SNAPC4: variants seen among roughly 807,000 people sequenced by gnomAD.
SNAPC4 encodes small nuclear RNA activating complex polypeptide 4, also known as snRNA-activating protein complex subunit 4.
In SNAPC4, 127 loss-of-function variants were observed where a neutral mutation model predicts 151.3. That is an observed-to-expected ratio of 0.84 (90% CI 0.73 to 0.97). The LOEUF is 0.97. Ranked by LOEUF, SNAPC4 falls within the 50% of genes least tolerant of loss-of-function variation. SNAPC4 has a pLI of 0.00. For missense variants in SNAPC4, 2,186 were observed against 1,935.0 expected (o/e 1.13, Z -2.43); for synonymous variants, 1,002 against 824.4 (o/e 1.22, Z -3.69).
chr9:136,395,551 G>A (rs758549153), intron 4 of SNAPC4, 52 bp downstream of exon 4: 11 of 1,573,234 alleles, frequency 7.0e-6, no homozygotes, highest in Non-Finnish European at 9.5e-6. Flanking sequence ...CAGCTGTGGG[G>A]GGCTCTGGGG....
Position 136,384,029 on chromosome 9 carries a change from T to C in SNAPC4, c.1424A>G (p.His475Arg), listed in dbSNP as rs1833806492. Residue 475 changes from histidine (H) to arginine (R), a missense_variant, in exon 15 of 24, where the codon CAC becomes CGC. His to Arg is a conservative substitution (Grantham distance 29, BLOSUM62 0). Transcript: ENST00000684778. ...IELIEKYGVG[H>R]WAKIASELPH... ...CAGCTCAGAAGCTATTTTTGCCCAG[T>C]GACCTGCAAAAGCCAAACCCCATGG... The C allele has an allele frequency of 6.2e-7, 1 of 1,613,364 alleles. No homozygotes were observed. Among genetic ancestry groups the C allele is most frequent in the Admixed American group, 1.7e-5 (1 of 59,964 alleles).
intron 3 of SNAPC4, 39 bp from the exon 4 acceptor site, chr9:136,395,809 C>T (rs377079281): frequency 6.9e-5 from 110 of 1,582,770 alleles, no homozygotes; most frequent in Admixed American, 1.4e-4. Context: ...CGAGATGAGA[C>T]GTGGATGCTC....
Position 136,377,841 on chromosome 9 carries a change from G to A in SNAPC4, c.3986C>T (p.Thr1329Ile). 2 of 1,611,534 alleles carry A rather than the reference G, an allele frequency of 1.2e-6. No individual in the cohort carries two copies. The highest frequency in any genetic ancestry group is 1.3e-5 in the African/African-American group (1 of 75,042). ...LHKKALEHKA[T>I]SLVVGGEAER... ...AGCCTCGCCCCCCACCACCAGGGAGGTGGCCTTGTGCTCCAGGGCCTTCTT... is the reference window on the plus strand; with the variant it reads ...AGCCTCGCCCCCCACCACCAGGGAGATGGCCTTGTGCTCCAGGGCCTTCTT... Residue 1329 changes from threonine to isoleucine, a missense_variant, in exon 22 of 24, where the codon ACC (threonine) becomes ATC (isoleucine). By Grantham distance (89) the Thr-to-Ile change is moderately conservative. Transcript: ENST00000684778.
rs777036706 is a variant in SNAPC4 at position 136,395,359 on chromosome 9, G to C, written c.410C>G (p.Pro137Arg). ...GAAGTGCCCCATGTATGTGCTTGGGGGCAGGCTTTTGCCATCTTTCACCTT... is the reference window on the plus strand; with the variant it reads ...GAAGTGCCCCATGTATGTGCTTGGGCGCAGGCTTTTGCCATCTTTCACCTT... ...GTKVKDGKSLPPSTYMGHFMK... is the reference protein window; with the variant it reads ...GTKVKDGKSLRPSTYMGHFMK... Residue 137 changes from proline (P) to arginine (R), a missense_variant, in exon 5 of 24, where the codon CCC (proline) becomes CGC (arginine). Pro to Arg is a moderately radical substitution (Grantham distance 103, BLOSUM62 -2). Transcript: ENST00000684778. The C allele has an allele frequency of 1.2e-6, 2 of 1,613,660 alleles. No homozygotes were observed. Among genetic ancestry groups the C allele is most frequent in the Non-Finnish European group, 1.7e-6 (2 of 1,179,962 alleles).
chr9:136,397,360 G>A (rs1054851027), intron 2 of SNAPC4, among the ~76,000 whole-genome samples: 7 of 151,836 alleles, frequency 4.6e-5, no homozygotes, highest in Non-Finnish European at 5.9e-5. Flanking sequence ...GAGCTTAGCC[G>A]GTCAGATGGG....
chr9:136,397,356 A>T (rs1265701049), intron 2 of SNAPC4, among the ~76,000 whole-genome samples: 1 of 151,822 alleles, frequency 6.6e-6, no homozygotes, highest in Admixed American at 6.6e-5. Context: ...TCAGGAGCTT[A>T]GCCGGTCAGA....
rs778226412 is a variant in SNAPC4 at position 136,388,505 on chromosome 9, GTCC to G, written c.1059_1061del (p.Glu353del). ...CCTGCACCAGCTGCGTGAGCATGCGGTCCTCCTCCTCTGTCCACTCCTTGCGTT... is the reference window on the plus strand; with the variant it reads ...CCTGCACCAGCTGCGTGAGCATGCGGTCCTCCTCTGTCCACTCCTTGCGTT... On this transcript the variant is annotated inframe_deletion, in exon 11 of 24. Coordinates refer to ENST00000684778, the MANE Select transcript of SNAPC4 (RefSeq NM_003086.4). 9.9e-6 allele frequency: 16 copies of G among 1,613,834 alleles called. No homozygotes were observed. The highest frequency in any genetic ancestry group is 1.3e-5 in the Non-Finnish European group (15 of 1,180,000).
At chr9:136,393,692 G>C (rs968794246) in intron 7 of SNAPC4, among the ~76,000 whole-genome samples, 2 of 151,604 alleles carry the variant, frequency 1.3e-5, no homozygotes, top group East Asian at 1.9e-4. Context: ...GACCGACCCC[G>C]CGCCCCGAGC....
intron 13 of SNAPC4, among the ~76,000 whole-genome samples, chr9:136,386,479 G>A (rs955892847): frequency 6.8e-6 from 1 of 147,650 alleles, no homozygotes; most frequent in Non-Finnish European, 1.5e-5. Context: ...TCGTCGCCCA[G>A]GCTAGAGTGC....
chr9:136,390,737 A>C (rs995946430), intron 10 of SNAPC4, among the ~76,000 whole-genome samples: 1 of 152,000 alleles, frequency 6.6e-6, no homozygotes, highest in Admixed American at 6.5e-5. Context: ...AAAAACAAAA[A>C]AGAAAAAAAG....
intron 20 of SNAPC4, among the ~76,000 whole-genome samples, 191 bp downstream of exon 20, chr9:136,380,549 A>G (rs1833650531): frequency 6.6e-6 from 1 of 152,208 alleles, no homozygotes; most frequent in South Asian, 2.1e-4. Flanking sequence ...CCCCAGTGTC[A>G]GCCCCGACCT....
At chr9:136,387,624 G>T in intron 12 of SNAPC4, 45 bp from the exon 13 acceptor site, 1 of 1,474,622 alleles carries the variant, frequency 6.8e-7, no homozygotes, top group Non-Finnish European at 9.5e-7. Flanking sequence ...TGCAGGTACG[G>T]CTGCAGCCTC....
At position 136,376,359 on chromosome 9, in the gene SNAPC4, C is replaced by A. The variant is rs765617790; in HGVS notation, c.4407G>T (p.Val1469=). Residue 1469 remains valine, a synonymous_variant, in exon 23 of 24, where the codon GTG becomes GTT. Transcript: ENST00000684778. ...ARHTRKRRRL[V] Reference sequence around the variant, plus strand: ...CCACTCAGGACTCACCTGCTGCTCACACCAGCCGCCTCCGCTTCCGGGTGT... The same window carrying A: ...CCACTCAGGACTCACCTGCTGCTCAAACCAGCCGCCTCCGCTTCCGGGTGT... 2 of 1,613,016 alleles carry A rather than the reference C, an allele frequency of 1.2e-6. No individual in the cohort carries two copies. Among genetic ancestry groups the A allele is most frequent in the African/African-American group, 2.7e-5 (2 of 74,952 alleles).
chr9:136,394,879 CT>C lies in SNAPC4; in HGVS notation c.472-2del. 1 of 1,613,384 alleles carries C rather than the reference CT, an allele frequency of 6.2e-7. No homozygotes were observed. The highest frequency in any genetic ancestry group is 8.5e-7 in the Non-Finnish European group (1 of 1,179,676). On this transcript the variant is annotated splice_acceptor_variant, in intron 5 of 23. Transcript: ENST00000684778. LOFTEE classifies it high-confidence loss of function. ...GTGTGTCCTCGTTGGCAGGTGGCCCCTGTCAGGGTGCACGGCATCACCACAA... is the reference window on the plus strand; with the variant it reads ...GTGTGTCCTCGTTGGCAGGTGGCCCCGTCAGGGTGCACGGCATCACCACAA...
intron 2 of SNAPC4, among the ~76,000 whole-genome samples, 172 bp downstream of exon 2, chr9:136,398,127 T>C (rs114594061): frequency 0.024 from 3,701 of 152,168 alleles, 62 homozygotes; most frequent in Middle Eastern, 0.095. Flanking sequence ...AGGCTGGACA[T>C]GAACTCCTGG....
chr9:136,395,565 G>C (rs747519001), intron 4 of SNAPC4, 38 bp downstream of exon 4: 1 of 1,586,852 alleles, frequency 6.3e-7, no homozygotes, highest in East Asian at 2.2e-5. Flanking sequence ...TCTGGGGGTG[G>C]GGAGGTGTGG....
At chr9:136,398,573 A>C in intron 1 of SNAPC4, 136 bp from the exon 2 acceptor site, 3 of 963,266 alleles carry the variant, frequency 3.1e-6, no homozygotes, top group Middle Eastern at 2.3e-4. Context: ...GAGAAAGATT[A>C]ATAGGCCAGG....
chr9:136,396,984 G>C lies in SNAPC4; in HGVS notation c.170C>G (p.Pro57Arg), dbSNP rs773993107. The C allele has an allele frequency of 3.7e-6, 6 of 1,612,656 alleles. No individual in the cohort carries two copies. The highest frequency in any genetic ancestry group is 3.4e-6 in the Non-Finnish European group (4 of 1,179,750). The change falls in exon 3 of 24, where the codon CCG (proline) becomes CGG (arginine). Residue 57 changes from proline to arginine, a missense_variant. By Grantham distance (103) the Pro-to-Arg change is moderately radical. Coordinates refer to ENST00000684778, the MANE Select transcript of SNAPC4 (RefSeq NM_003086.4). ...GATCAGGCCAACAGTTACCGAGATC[G>C]GGGGATCGGCAGGATCCAAGTCCTC... ...PSEDLDPADP[P>R]ISEEERWGEA...
Position 136,395,358 on chromosome 9 carries a change from G to A in SNAPC4, c.411C>T (p.Pro137=), listed in dbSNP as rs771222728. 1.2e-6 allele frequency: 2 copies of A among 1,613,676 alleles called. No homozygotes were observed. Among genetic ancestry groups the A allele is most frequent in the Admixed American group, 3.3e-5 (2 of 60,028 alleles). ...GTKVKDGKSL[P]PSTYMGHFMK... The stretch of plus-strand genomic sequence containing the variant: ...TGAAGTGCCCCATGTATGTGCTTGG[G>A]GGCAGGCTTTTGCCATCTTTCACCT... Residue 137 remains proline, a synonymous_variant, in exon 5 of 24, where the codon CCC becomes CCT. Transcript: ENST00000684778.
Sources: gnomAD v4.1 joint callset for allele counts (sites outside exome capture counted in the v4.1 genomes callset) on GRCh38, gnomAD v4.1.1 for gene constraint, MANE v1.5 for transcripts, NCBI Gene and HGNC (gene_info 2026-07-23, HGNC 2026-07-21) for gene names.